The following TMED2 variants were observed in gnomAD, a reference collection of about 807,000 sequenced individuals.
The protein encoded by TMED2 is transmembrane p24 trafficking protein 2.
TMED2 carries 3 observed loss-of-function variants against 17.5 expected under a neutral mutation model. The observed-to-expected ratio is 0.17, with a 90% CI of 0.08 to 0.44. The LOEUF (loss-of-function observed/expected upper bound fraction) is 0.44, where lower values mean the gene tolerates loss of function less well. Among genes scored for constraint, TMED2 ranks in the 20% least tolerant of loss-of-function variants. The pLI, the probability that TMED2 is intolerant of heterozygous loss-of-function variation, is 0.99. For synonymous variants in TMED2, 95 were observed against 91.0 expected (o/e 1.04, Z -0.25); for missense variants, 149 against 254.8 (o/e 0.58, Z 2.83).
At chr12:123,595,390 T>G (rs553386770) in intron 3 of TMED2, among the ~76,000 whole-genome samples, 1 of 152,316 alleles carries the variant, frequency 6.6e-6, no homozygotes, top group South Asian at 2.1e-4. Context: ...GGTCTGGTAG[T>G]AACTGTCAGT....
chr12:123,593,738 T>TCCAC (rs1277892223), intron 3 of TMED2, among the ~76,000 whole-genome samples: 1 of 152,346 alleles, frequency 6.6e-6, no homozygotes, highest in East Asian at 1.9e-4. Flanking sequence ...CACCTTGTGA[T>TCCAC]CCACCCGCCT....
chr12:123,595,104 G>C (rs960563014), intron 3 of TMED2, among the ~76,000 whole-genome samples: 4 of 150,012 alleles, frequency 2.7e-5, no homozygotes, highest in Non-Finnish European at 5.9e-5. Context: ...GGGTGTGCAC[G>C]TGTAATCCCA....
At chr12:123,589,481 C>T (rs1953375635) in intron 2 of TMED2, among the ~76,000 whole-genome samples, 1 of 152,186 alleles carries the variant, frequency 6.6e-6, no homozygotes, top group Non-Finnish European at 1.5e-5. Flanking sequence ...ACTACTTTTG[C>T]TGTAGTTAAT....
At position 123,590,449 on chromosome 12, in the gene TMED2, A is replaced by G. The variant is rs1953383221; in HGVS notation, c.481A>G (p.Ile161Val). The change falls in exon 3 of 4, where the codon ATC becomes GTC. Residue 161 changes from isoleucine (I) to valine (V), a missense_variant and splice_region_variant. Transcript: ENST00000262225. ...AGTCCGGGAGAGAATACACAGAGCCAGTAAGTGAATGCCGTCACTTTGCAG... is the reference window on the plus strand; with the variant it reads ...AGTCCGGGAGAGAATACACAGAGCCGGTAAGTGAATGCCGTCACTTTGCAG... Reference protein sequence around the residue: ...MEVRERIHRAINDNTNSRVVL... With the variant: ...MEVRERIHRAVNDNTNSRVVL... 1 of 1,599,004 alleles carries G rather than the reference A, an allele frequency of 6.3e-7. No individual in the cohort carries two copies. The highest frequency in any genetic ancestry group is 8.5e-7 in the Non-Finnish European group (1 of 1,172,204).
In TMED2 at chr12:123,596,623, G is replaced by A. The variant is rs1486744164; in HGVS notation, c.500G>A (p.Ser167Asn). ...IHRAINDNTN[S>N]RVVLWSFFEA... ...TCAACAGTCAACGACAACACAAACA[G>A]CAGAGTGGTCCTTTGGTCCTTCTTT... The change falls in exon 4 of 4, where the codon AGC (serine) becomes AAC (asparagine). Residue 167 changes from serine (S) to asparagine (N), a missense_variant. Ser to Asn is a conservative substitution (Grantham distance 46, BLOSUM62 1). Transcript: ENST00000262225. The A allele has an allele frequency of 6.2e-7, 1 of 1,610,026 alleles. No homozygotes were observed. Among genetic ancestry groups the A allele is most frequent in the East Asian group, 2.2e-5 (1 of 44,640 alleles).
At chr12:123,586,708 T>C in intron 1 of TMED2, 39 bp from the exon 2 acceptor site, 1 of 1,546,196 alleles carries the variant, frequency 6.5e-7, no homozygotes, top group South Asian at 1.2e-5. Flanking sequence ...TATGACTTAA[T>C]CTTTTGTGAC....
rs1178409914 is a variant in TMED2, at chr12:123,596,883, T to C, written c.*154T>C. ...TAATAGATATTGGGGGAAAAACGCC[T>C]TTTTAGGAAAATTATAGTGAAAATT... is the stretch of plus-strand genomic sequence containing the variant. On this transcript the variant is annotated 3_prime_UTR_variant, in exon 4 of 4. Coordinates refer to ENST00000262225, the MANE Select transcript of TMED2 (RefSeq NM_006815.4). 11 of 935,630 alleles carry C rather than the reference T, an allele frequency of 1.2e-5. No homozygotes were observed. The Admixed American group carries it at 4.3e-4, about 37-fold the overall frequency. 58.0% of individuals were successfully genotyped at this position (935,630 alleles called of 1,614,324 possible).
Position 123,590,442 on chromosome 12 carries a change from C to T in TMED2, c.474C>T (p.His158=), listed in dbSNP as rs765364418. Reference sequence around the variant, plus strand: ...ACATGGAAGTCCGGGAGAGAATACACAGAGCCAGTAAGTGAATGCCGTCAC... The same window carrying T: ...ACATGGAAGTCCGGGAGAGAATACATAGAGCCAGTAAGTGAATGCCGTCAC... ...QEYMEVRERI[H]RAINDNTNSR... Residue 158 remains histidine, a synonymous_variant, in exon 3 of 4, where the codon CAC becomes CAT. Coordinates refer to ENST00000262225, the MANE Select transcript of TMED2 (RefSeq NM_006815.4). 1 of 1,604,186 alleles carries T rather than the reference C, an allele frequency of 6.2e-7. No individual in the cohort carries two copies. The highest frequency in any genetic ancestry group is 8.5e-7 in the Non-Finnish European group (1 of 1,174,782).
intron 1 of TMED2, 71 bp from the exon 2 acceptor site, chr12:123,586,676 A>G (rs1238080354): frequency 9.1e-6 from 13 of 1,432,276 alleles, no homozygotes; most frequent in Non-Finnish European, 1.1e-5. Flanking sequence ...TCTTACTGCC[A>G]TTAGACATTA....
chr12:123,594,624 A>G (rs1405748445), intron 3 of TMED2, among the ~76,000 whole-genome samples: 4 of 152,058 alleles, frequency 2.6e-5, no homozygotes, highest in Non-Finnish European at 4.4e-5. Flanking sequence ...GTGATGGCTC[A>G]TGCCTATAAT....
intron 1 of TMED2, chr12:123,586,195 AAGGATAAATAAGACATAAATGTC>A (rs1293391953): frequency 1.3e-5 from 2 of 152,350 alleles, no homozygotes; most frequent in African/African-American, 4.8e-5. Context: ...GGGGTTTAAT[AAGGATAAATAAGACATAAATGTC>A]AGGACCTAAA....
chr12:123,584,945 C>T (rs1349181361), intron 1 of TMED2, 129 bp downstream of exon 1: 3 of 1,175,802 alleles, frequency 2.6e-6, no homozygotes, highest in East Asian at 2.7e-5. Flanking sequence ...TGGAGAAGCC[C>T]AGGCCGCCAC....
Position 123,586,909 on chromosome 12 carries a change from G to C in TMED2, c.343G>C (p.Ala115Pro), listed in dbSNP as rs1196572556. The change falls in exon 2 of 4, where the codon GCT (alanine) becomes CCT (proline). Residue 115 changes from alanine (A) to proline (P), a missense_variant. Ala to Pro is a conservative substitution (Grantham distance 27). Transcript: ENST00000262225. ...IVMFTIDIGEAPKGQDMETEA... is the reference protein window; with the variant it reads ...IVMFTIDIGEPPKGQDMETEA... The stretch of plus-strand genomic sequence containing the variant: ...GATGTTCACCATTGATATTGGGGAG[G>C]CTCCAAAAGGACAAGATATGGAAAC... 6.2e-7 allele frequency: 1 copy of C among 1,608,576 alleles called. No individual in the cohort carries two copies. The highest frequency in any genetic ancestry group is 8.5e-7 in the Non-Finnish European group (1 of 1,177,234).
At chr12:123,593,974 T>A (rs1024062833) in intron 3 of TMED2, among the ~76,000 whole-genome samples, 2 of 151,616 alleles carry the variant, frequency 1.3e-5, no homozygotes, top group Non-Finnish European at 2.9e-5. Context: ...TTTTTTTTTT[T>A]TTTTTTGGTA....
chr12:123,594,576 G>A (rs771862329), intron 3 of TMED2, among the ~76,000 whole-genome samples: 4 of 151,968 alleles, frequency 2.6e-5, no homozygotes, highest in South Asian at 2.1e-4. Context: ...TGGGCAACAC[G>A]AGACCGTTTT....
At chr12:123,584,895 C>G (rs997291249) in intron 1 of TMED2, 79 bp downstream of exon 1, 26 of 1,552,628 alleles carry the variant, frequency 1.7e-5, no homozygotes, top group Non-Finnish European at 2.3e-5. Flanking sequence ...CGGCGCGGGG[C>G]CTGTGTGGGG....
At chr12:123,590,528 A>G in intron 3 of TMED2, 79 bp downstream of exon 3, 1 of 1,260,412 alleles carries the variant, frequency 7.9e-7, no homozygotes. Flanking sequence ...TATTTTCCTC[A>G]TTTGGAAACT....
chr12:123,584,751 T>C lies in TMED2; in HGVS notation c.115T>C (p.Ser39Pro). Residue 39 changes from serine to proline, a missense_variant, in exon 1 of 4, where the codon TCG becomes CCG. Ser to Pro is a moderately conservative substitution (Grantham distance 74). Coordinates refer to ENST00000262225, the MANE Select transcript of TMED2 (RefSeq NM_006815.4). ...AGAGTGCTTCTTTGAGCGGGTCACC[T>C]CGGGCACCAAGATGGGCCTCATCTT... Reference protein sequence around the residue: ...AEECFFERVTSGTKMGLIFEV... With the variant: ...AEECFFERVTPGTKMGLIFEV... The C allele has an allele frequency of 6.2e-7, 1 of 1,613,658 alleles. No homozygotes were observed. The highest frequency in any genetic ancestry group is 8.5e-7 in the Non-Finnish European group (1 of 1,179,886).
At chr12:123,595,742 C>T (rs894493058) in intron 3 of TMED2, among the ~76,000 whole-genome samples, 1 of 151,994 alleles carries the variant, frequency 6.6e-6, no homozygotes, top group Non-Finnish European at 1.5e-5. Flanking sequence ...TGGCTGTACC[C>T]AGTGAATCTT....
Sources: allele counts gnomAD v4.1 joint callset (sites outside exome capture counted in the v4.1 genomes callset), GRCh38; gene constraint gnomAD v4.1.1; transcripts MANE v1.5; gene names NCBI Gene and HGNC (gene_info 2026-07-23, HGNC 2026-07-21).